The following DAAM2 variants were observed in gnomAD, a reference collection of about 807,000 sequenced individuals.
DAAM2 encodes disheveled-associated activator of morphogenesis 2.
DAAM2 carries 39 observed loss-of-function variants against 120.7 expected under a neutral mutation model. The observed-to-expected ratio is 0.32, with a 90% CI of 0.25 to 0.42. The LOEUF (loss-of-function observed/expected upper bound fraction) is 0.42. DAAM2 is among the 10% of genes least tolerant of loss of function. The probability of loss-of-function intolerance (pLI) is 1.00; values close to 1 mark genes in which losing one functional copy is unlikely to be tolerated. For synonymous variants in DAAM2, 488 were observed against 524.9 expected (o/e 0.93, Z 0.96); for missense variants, 1,283 against 1,401.7 (o/e 0.92, Z 1.35).
intron 1 of DAAM2, among the ~76,000 whole-genome samples, chr6:39,849,322 A>G (rs1763718858): frequency 6.6e-6 from 1 of 152,218 alleles, no homozygotes; most frequent in Non-Finnish European, 1.5e-5. Flanking sequence ...GCCAAGCCCT[A>G]TAGTAATATG....
Position 39,904,125 on chromosome 6 carries a change from G to GGAA in DAAM2, c.*2091_*2093dup. 4.4e-6 allele frequency: 2 copies of GGAA among 449,982 alleles called. No individual in the cohort carries two copies. The highest frequency in any genetic ancestry group is 4.5e-6 in the Non-Finnish European group (1 of 223,660). The allele number at this position is 449,982 out of a possible 1,614,324, so 27.9% of individuals were successfully genotyped here. A position where few individuals can be genotyped will look rare whatever the true frequency, so the allele number is the denominator to read the frequency against. ...CGTGTCTGGCATTCCCACCCACCATGGAAGACTGGATACGCACCTGGAAAC... is the reference window on the plus strand; with the variant it reads ...CGTGTCTGGCATTCCCACCCACCATGGAAGAAGACTGGATACGCACCTGGAAAC... On this transcript the variant is annotated 3_prime_UTR_variant, in exon 25 of 25. Transcript: ENST00000274867.
intron 3 of DAAM2, 103 bp downstream of exon 3, chr6:39,861,120 C>T (rs749705128): frequency 5.9e-6 from 5 of 854,206 alleles, no homozygotes; most frequent in Non-Finnish European, 9.8e-6. Flanking sequence ...TATTACATGC[C>T]AGCCCTGTTC....
In DAAM2 at chr6:39,901,322, C is replaced by T. The variant is rs1766466309; in HGVS notation, c.2832C>T (p.His944=). ...GACAGTTCGCCAAGGCCTTGATGCACTTCGGGGAGCATGACAGCAAGATGC... is the reference window on the plus strand; with the variant it reads ...GACAGTTCGCCAAGGCCTTGATGCATTTCGGGGAGCATGACAGCAAGATGC... ...ARDKFAKALM[H]FGEHDSKMQP... is the part of the protein sequence containing the mutation. Residue 944 remains histidine (H), a synonymous_variant, in exon 24 of 25, where the codon CAC becomes CAT. Coordinates refer to ENST00000274867, the MANE Select transcript of DAAM2 (RefSeq NM_001201427.2). The surrounding 1 kb of genome is among the most constrained non-coding windows in gnomAD (Gnocchi z 4.5). 1 of 1,613,744 alleles carries T rather than the reference C, an allele frequency of 6.2e-7. No individual in the cohort carries two copies. The highest frequency in any genetic ancestry group is 1.1e-5 in the South Asian group (1 of 91,072).
At chr6:39,808,911 A>C (rs1306754018) in intron 1 of DAAM2, among the ~76,000 whole-genome samples, 2 of 152,224 alleles carry the variant, frequency 1.3e-5, no homozygotes, top group African/African-American at 4.8e-5. Flanking sequence ...AAATCATGAA[A>C]TTGGGACTTG....
At chr6:39,818,182 TAAAAAAA>T (rs752326154) in intron 1 of DAAM2, among the ~76,000 whole-genome samples, 1,561 of 85,858 alleles carry the variant, frequency 0.018, 40 homozygotes, top group African/African-American at 0.069. Context: ...GCATCTCAAT[TAAAAAAA>T]AAAAAAAAAA....
At chr6:39,842,091 G>A (rs957967704) in intron 1 of DAAM2, among the ~76,000 whole-genome samples, 3 of 152,144 alleles carry the variant, frequency 2.0e-5, no homozygotes, top group Non-Finnish European at 4.4e-5. Context: ...CCTATTGAGG[G>A]TGCCTGGCCA....
intron 1 of DAAM2, chr6:39,848,653 C>A (rs1380108087): frequency 6.6e-6 from 1 of 152,176 alleles, no homozygotes; most frequent in Non-Finnish European, 1.5e-5. Context: ...CTTTTGCTTT[C>A]TTTGCCTTTT....
intron 15 of DAAM2, chr6:39,885,327 T>C (rs1484580882): frequency 6.6e-6 from 1 of 152,130 alleles, no homozygotes; most frequent in Non-Finnish European, 1.5e-5. Context: ...CTAAGGCTGC[T>C]GGAGCTGAAA....
Position 39,902,125 on chromosome 6 carries a change from T to G in DAAM2, c.*88T>G. ...AGGAGGTGGTGATATTTAAACCATT[T>G]GGTGCTTGGTTTAGAGCCTTGGGCT... On this transcript the variant is annotated 3_prime_UTR_variant, in exon 25 of 25. Coordinates refer to ENST00000274867, the MANE Select transcript of DAAM2 (RefSeq NM_001201427.2). 8.3e-7 allele frequency: 1 copy of G among 1,210,986 alleles called. No homozygotes were observed. The highest frequency in any genetic ancestry group is 1.5e-5 in the South Asian group (1 of 65,336). The allele number at this position is 1,210,986 out of a possible 1,614,324, so 75.0% of individuals were successfully genotyped here.
intron 8 of DAAM2, 84 bp from the exon 9 acceptor site, chr6:39,871,422 G>T: frequency 7.9e-7 from 1 of 1,270,804 alleles, no homozygotes; most frequent in South Asian, 1.3e-5. Context: ...TTAGCCAGTG[G>T]GGGGCTCGAA....
intron 22 of DAAM2, 179 bp downstream of exon 22, chr6:39,899,116 G>T: frequency 4.9e-6 from 3 of 608,720 alleles, no homozygotes; most frequent in South Asian, 2.1e-5. Flanking sequence ...TTTAAAAGGG[G>T]TTACCTAAGA....
intron 14 of DAAM2, chr6:39,883,664 G>C (rs1172511938): frequency 1.8e-5 from 6 of 325,464 alleles, no homozygotes; most frequent in Non-Finnish European, 2.8e-5. Context: ...AAAGTGAAGT[G>C]GACCCCCTTT....
At chr6:39,826,609 G>T (rs1762683112) in intron 1 of DAAM2, among the ~76,000 whole-genome samples, 1 of 152,010 alleles carries the variant, frequency 6.6e-6, no homozygotes, top group Non-Finnish European at 1.5e-5. Context: ...TTGAATCCCT[G>T]GACACCAGGC....
intron 1 of DAAM2, among the ~76,000 whole-genome samples, chr6:39,813,991 A>C (rs907091594): frequency 6.6e-6 from 1 of 152,190 alleles, no homozygotes; most frequent in Non-Finnish European, 1.5e-5. Flanking sequence ...ACTGGGGGAA[A>C]GGGGCCCTAA....
chr6:39,848,197 C>G (rs1457315456), intron 1 of DAAM2, among the ~76,000 whole-genome samples: 4 of 152,192 alleles, frequency 2.6e-5, no homozygotes, highest in Admixed American at 2.0e-4. Context: ...AGAAGTCACT[C>G]TTCCCCACCT....
rs368038616 is a variant in DAAM2 at position 39,887,596 on chromosome 6, T to C, written c.2060+4T>C. 16 of 1,604,614 alleles carry C rather than the reference T, an allele frequency of 1.0e-5. No individual in the cohort carries two copies. The African/African-American group carries it at 1.6e-4, about 16-fold the overall frequency. ...ACTGCATCATCCTTCTTTCCAAGTA[T>C]GTGCAAAAGAAGGTGGTTGAGTTGG... is the stretch of plus-strand genomic sequence containing the variant. On this transcript the variant is annotated splice_donor_region_variant and intron_variant, in intron 16 of 24. Transcript: ENST00000274867.
intron 1 of DAAM2, among the ~76,000 whole-genome samples, chr6:39,803,400 A>T (rs116497640): frequency 3.3e-4 from 51 of 152,318 alleles, no homozygotes; most frequent in Admixed American, 1.2e-3. Context: ...TCTAGCTGAG[A>T]GTTCACATGT....
intron 10 of DAAM2, among the ~76,000 whole-genome samples, 192 bp from the exon 11 acceptor site, chr6:39,875,138 C>T (rs2504793): frequency 0.6 from 90,414 of 151,910 alleles, 27,000 homozygotes; most frequent in Middle Eastern, 0.68. Flanking sequence ...GTCTAGTTGC[C>T]GATAATCAAG....
rs1191618015 is a variant in DAAM2 at position 39,904,818 on chromosome 6, T to G, written c.*2781T>G. ...TCCTTTTTCACTTGCACCTTTTTTA[T>G]AAGAATATATTGTAATACTAAAAAA... On this transcript the variant is annotated 3_prime_UTR_variant, in exon 25 of 25. Transcript: ENST00000274867. The G allele has an allele frequency of 4.4e-6, 2 of 454,006 alleles. No homozygotes were observed. The highest frequency in any genetic ancestry group is 8.8e-6 in the Non-Finnish European group (2 of 226,806). The allele number at this position is 454,006 out of a possible 1,614,324, so 28.1% of individuals were successfully genotyped here. A position where few individuals can be genotyped will look rare whatever the true frequency, so the allele number is the denominator to read the frequency against.
Sources: gnomAD v4.1 joint callset for allele counts (sites outside exome capture counted in the v4.1 genomes callset) on GRCh38, gnomAD v4.1.1 for gene constraint, Gnocchi (gnomAD v3.1) non-coding constraint, MANE v1.5 for transcripts, NCBI Gene and HGNC (gene_info 2026-07-23, HGNC 2026-07-21) for gene names.